The following PDE10A variants were observed in gnomAD, a reference collection of about 807,000 sequenced individuals.
PDE10A encodes cAMP and cAMP-inhibited cGMP 3',5'-cyclic phosphodiesterase 10A.
In PDE10A, 39 loss-of-function variants were observed where a neutral mutation model predicts 97.7. The ratio of observed to expected loss-of-function variants is 0.40; its 90% confidence interval spans 0.31 to 0.52. The LOEUF (loss-of-function observed/expected upper bound fraction) is 0.52, where lower values mean the gene tolerates loss of function less well. PDE10A is among the 20% of genes least tolerant of loss of function. PDE10A has a pLI of 0.56. For missense variants in PDE10A, 731 were observed against 1,047.8 expected, an observed-to-expected ratio of 0.70 and a Z score of 4.17; for synonymous variants, 371 against 376.8, an observed-to-expected ratio of 0.98 and a Z score of 0.18.
chr6:165,624,824 A>C (rs1788305631), intron 1 of PDE10A, among the ~76,000 whole-genome samples: 1 of 152,258 alleles, frequency 6.6e-6, no homozygotes, highest in African/African-American at 2.4e-5. Context: ...GTTTTGAAGA[A>C]AAATAAAGGT....
At chr6:165,373,202 T>C (rs1216789243) in intron 18 of PDE10A, among the ~76,000 whole-genome samples, 9 of 151,064 alleles carry the variant, frequency 6.0e-5, no homozygotes, top group African/African-American at 2.0e-4. Flanking sequence ...CCAAAAGCAA[T>C]GGCAACAAAA....
intron 18 of PDE10A, among the ~76,000 whole-genome samples, chr6:165,373,704 C>T (rs911515841): frequency 2.0e-4 from 31 of 152,160 alleles, no homozygotes; most frequent in African/African-American, 5.8e-4. Flanking sequence ...CTAGAAATAC[C>T]ATGTGACCCA....
chr6:165,719,517 A>G (rs60436452), intron 1 of PDE10A, among the ~76,000 whole-genome samples: 1,596 of 152,366 alleles, frequency 0.01, 30 homozygotes, highest in African/African-American at 0.037. Context: ...GTGGTAGGAT[A>G]GATTTTCAAT....
At chr6:165,713,457 G>A (rs1488223337) in intron 1 of PDE10A, among the ~76,000 whole-genome samples, 1 of 152,134 alleles carries the variant, frequency 6.6e-6, no homozygotes, top group Non-Finnish European at 1.5e-5. Flanking sequence ...GTTTTCACAA[G>A]TGTGTCGGGA....
intron 11 of PDE10A, 37 bp from the exon 12 acceptor site, chr6:165,416,318 T>G (rs367628375): frequency 2.4e-6 from 3 of 1,248,250 alleles, no homozygotes; most frequent in Non-Finnish European, 3.5e-6. Flanking sequence ...CTAATTAAAA[T>G]ATGGACTCTG....
intron 2 of PDE10A, among the ~76,000 whole-genome samples, chr6:165,516,654 G>C (rs1027321998): frequency 6.6e-6 from 1 of 152,202 alleles, no homozygotes. Flanking sequence ...GGATAAAAGA[G>C]TGAGGTTAAC....
chr6:165,979,659 G>A (rs538984424), intron 1 of PDE10A, among the ~76,000 whole-genome samples: 13 of 152,110 alleles, frequency 8.5e-5, no homozygotes, highest in East Asian at 1.9e-4. Context: ...GGGACAAAAC[G>A]GTACAAGGCA....
intron 1 of PDE10A, among the ~76,000 whole-genome samples, chr6:165,601,970 T>C (rs1786977616): frequency 6.6e-6 from 1 of 152,170 alleles, no homozygotes; most frequent in Admixed American, 6.5e-5. Context: ...GTAACCAATA[T>C]ATTTTAAAAC....
chr6:165,798,307 G>A (rs535862019), intron 1 of PDE10A, among the ~76,000 whole-genome samples: 31 of 152,274 alleles, frequency 2.0e-4, no homozygotes, highest in African/African-American at 7.2e-4. Flanking sequence ...AGAAAATTGA[G>A]ATGAAAAGTG....
At chr6:165,543,005 T>C (rs1307226743) in intron 2 of PDE10A, among the ~76,000 whole-genome samples, 1 of 152,184 alleles carries the variant, frequency 6.6e-6, no homozygotes, top group East Asian at 1.9e-4. Flanking sequence ...AAGTCTACAG[T>C]GCTTTCCCAA....
At chr6:165,397,065 A>C (rs916791403) in intron 13 of PDE10A, among the ~76,000 whole-genome samples, 2 of 152,230 alleles carry the variant, frequency 1.3e-5, no homozygotes, top group Non-Finnish European at 2.9e-5. Flanking sequence ...GTGTCTACAG[A>C]GTAAGTATAT....
At position 165,515,549 on chromosome 6, in the gene PDE10A, AG is replaced by A. The variant is rs1430411149; in HGVS notation, c.994+27890del. On this transcript the variant is annotated intron_variant, in intron 2 of 21. Transcript: ENST00000539869. ...TTTTTTTTTTTTTTTTTTGAGATGGAGTCTCACTCTGTCACACAGGGTGGAG... is the reference window on the plus strand; with the variant it reads ...TTTTTTTTTTTTTTTTTTGAGATGGATCTCACTCTGTCACACAGGGTGGAG... 2.0e-4 allele frequency among the ~76,000 whole-genome samples: 26 copies of A among 130,758 alleles called. No individual in the cohort carries two copies. The South Asian group carries it at 5.8e-3, about 29-fold the overall frequency. The allele number at this position is 130,758 out of a possible 152,430, so 85.8% of individuals were successfully genotyped here. A position where few individuals can be genotyped will look rare whatever the true frequency, so the allele number is the denominator to read the frequency against.
intron 18 of PDE10A, among the ~76,000 whole-genome samples, chr6:165,344,957 G>A (rs542214809): frequency 9.2e-5 from 14 of 152,208 alleles, no homozygotes; most frequent in Middle Eastern, 3.4e-3. Context: ...TAATGAGGTC[G>A]TTTCTAAGAA....
At chr6:165,784,383 T>C (rs1778438578) in intron 1 of PDE10A, among the ~76,000 whole-genome samples, 1 of 152,148 alleles carries the variant, frequency 6.6e-6, no homozygotes, top group Admixed American at 6.5e-5. Context: ...CTGAGTAACT[T>C]CCTGATTGTT....
At chr6:165,526,182 A>T (rs1167226196) in intron 2 of PDE10A, among the ~76,000 whole-genome samples, 1 of 152,200 alleles carries the variant, frequency 6.6e-6, no homozygotes, top group Non-Finnish European at 1.5e-5. Context: ...CCTTTTGGGT[A>T]CTAGTGGACA....
chr6:165,474,233 G>A (rs1483974908), intron 3 of PDE10A, among the ~76,000 whole-genome samples: 3 of 152,162 alleles, frequency 2.0e-5, no homozygotes, highest in Non-Finnish European at 4.4e-5. Flanking sequence ...TGTAAGAACA[G>A]ATGCCAGTTA....
intron 1 of PDE10A, among the ~76,000 whole-genome samples, chr6:165,808,923 C>T (rs764109414): frequency 2.0e-5 from 3 of 152,206 alleles, no homozygotes; most frequent in Non-Finnish European, 2.9e-5. Context: ...TATTTTTTGA[C>T]ATGTTACTGA....
At chr6:165,797,080 T>C (rs945724359) in intron 1 of PDE10A, among the ~76,000 whole-genome samples, 16 of 152,238 alleles carry the variant, frequency 1.1e-4, no homozygotes, top group African/African-American at 3.9e-4. Flanking sequence ...AGCAGGACTC[T>C]CCTAGCAAAT....
chr6:165,908,041 A>C (rs528471044), intron 1 of PDE10A, among the ~76,000 whole-genome samples: 2 of 152,372 alleles, frequency 1.3e-5, no homozygotes, highest in African/African-American at 2.4e-5. Flanking sequence ...GAACTGAGGA[A>C]TATGTTTCCA....
Sources: allele counts gnomAD v4.1 joint callset (sites outside exome capture counted in the v4.1 genomes callset), GRCh38; gene constraint gnomAD v4.1.1; transcripts MANE v1.5; gene names NCBI Gene and HGNC (gene_info 2026-07-23, HGNC 2026-07-21).